The following AOPEP variants were observed in gnomAD, a reference collection of about 807,000 sequenced individuals.
AOPEP encodes aminopeptidase O (putative).
AOPEP carries 77 observed loss-of-function variants against 98.1 expected under a neutral mutation model. The ratio of observed to expected loss-of-function variants is 0.78; its 90% CI spans 0.65 to 0.95. The LOEUF is 0.95. AOPEP is among the 40% of genes least tolerant of loss of function. The pLI is 0.00. For missense variants in AOPEP, 1,024 were observed against 1,024.7 expected (o/e 1.00, Z 0.01); for synonymous variants, 346 against 365.3 (o/e 0.95, Z 0.60).
At chr9:94,821,940 A>T (rs1180798449) in intron 5 of AOPEP, among the ~76,000 whole-genome samples, 1 of 151,504 alleles carries the variant, frequency 6.6e-6, no homozygotes, top group Non-Finnish European at 1.5e-5. Flanking sequence ...AATTAACATA[A>T]GCCATAGATC....
chr9:94,869,000 A>C (rs1249718465), intron 5 of AOPEP, among the ~76,000 whole-genome samples: 1 of 152,130 alleles, frequency 6.6e-6, no homozygotes, highest in Non-Finnish European at 1.5e-5. Flanking sequence ...AGGCCAGTGC[A>C]GGTGGATCAC....
the AOPEP span, among the ~76,000 whole-genome samples, chr9:95,129,337 A>G: frequency 1.3e-5 from 2 of 152,206 alleles, no homozygotes; most frequent in Non-Finnish European, 2.9e-5. Flanking sequence ...AAATCACAAA[A>G]GCAATCTTAA....
chr9:95,021,474 A>G (rs1442709518), intron 13 of AOPEP, among the ~76,000 whole-genome samples: 1 of 152,218 alleles, frequency 6.6e-6, no homozygotes, highest in African/African-American at 2.4e-5. Flanking sequence ...AGATTAATTT[A>G]ATGACTTGGT....
At chr9:94,920,258 G>A (rs969975823) in intron 5 of AOPEP, 6 of 152,926 alleles carry the variant, frequency 3.9e-5, no homozygotes, top group African/African-American at 1.4e-4. Context: ...GGGAGGCTGA[G>A]GTTGTGGTGA....
At chr9:95,000,935 G>A (rs771649768) in intron 11 of AOPEP, among the ~76,000 whole-genome samples, 9 of 152,140 alleles carry the variant, frequency 5.9e-5, no homozygotes, top group Middle Eastern at 3.4e-3. Flanking sequence ...AAGATCTTTC[G>A]GTTTCTTTTA....
intron 3 of AOPEP, among the ~76,000 whole-genome samples, chr9:94,786,461 T>A (rs2133293921): frequency 6.6e-6 from 1 of 152,292 alleles, no homozygotes; most frequent in South Asian, 2.1e-4. Flanking sequence ...CAATAGACAA[T>A]CCTGAAATTA....
Position 94,967,812 on chromosome 9 carries a change from A to G in AOPEP, c.1916+11A>G. ...TCCAGAAGAAAAAAGGTAAGGACCA[A>G]TTTAGGAATTTTGGAATTAAGAGCC... On this transcript the variant is annotated intron_variant, in intron 10 of 16. Coordinates refer to ENST00000375315, the MANE Select transcript of AOPEP (RefSeq NM_001193329.3). 2 of 1,609,156 alleles carry G rather than the reference A, an allele frequency of 1.2e-6. No individual in the cohort carries two copies. Among genetic ancestry groups the G allele is most frequent in the Non-Finnish European group, 1.7e-6 (2 of 1,175,518 alleles).
In AOPEP at chr9:95,063,273, C is replaced by T. The variant is rs145174562; in HGVS notation, c.2232+2463C>T. 2.6e-3 allele frequency among the ~76,000 whole-genome samples: 399 copies of T among 152,308 alleles called. 3 individuals carry two copies. The highest frequency in any genetic ancestry group is 0.015 in the East Asian group (80 of 5,172). On this transcript the variant is annotated intron_variant, in intron 14 of 16. Coordinates refer to ENST00000375315, the MANE Select transcript of AOPEP (RefSeq NM_001193329.3). ...TTATCTAAGATCCCTTTTTAAGTAACACATTTCCTGCCTGCCTTAGCAGGT... is the reference window on the plus strand; with the variant it reads ...TTATCTAAGATCCCTTTTTAAGTAATACATTTCCTGCCTGCCTTAGCAGGT...
chr9:94,877,045 A>G (rs2047032261), intron 5 of AOPEP, among the ~76,000 whole-genome samples: 1 of 152,186 alleles, frequency 6.6e-6, no homozygotes, highest in South Asian at 2.1e-4. Context: ...GTTTCTTCTT[A>G]GTTGAAAATA....
the AOPEP span, among the ~76,000 whole-genome samples, chr9:95,138,921 C>CAGA: frequency 6.6e-6 from 1 of 152,200 alleles, no homozygotes; most frequent in Non-Finnish European, 1.5e-5. Flanking sequence ...AGCCTTGATT[C>CAGA]AGAGCACACC....
In AOPEP at chr9:95,086,011, T is replaced by C. The variant is rs560260553; in HGVS notation, c.*5-671T>C. 3.7e-6 allele frequency: 5 copies of C among 1,366,644 alleles called. No homozygotes were observed. The East Asian group carries it at 1.8e-4, about 50-fold the overall frequency. 84.7% of individuals were successfully genotyped at this position (1,366,644 alleles called of 1,614,324 possible). A position where few individuals can be genotyped will look rare whatever the true frequency, so the allele number is the denominator to read the frequency against. On this transcript the variant is annotated intron_variant, in intron 16 of 16. Coordinates refer to ENST00000375315, the MANE Select transcript of AOPEP (RefSeq NM_001193329.3). ...GGCGCTGCTTCTCCGGGCTGTCGAT[T>C]GGACCCGCCCTCCGGTGCCTACTGA... is the stretch of plus-strand genomic sequence containing the variant.
chr9:94,836,085 TG>T (rs1169253106), intron 5 of AOPEP, among the ~76,000 whole-genome samples: 1 of 774 alleles, frequency 1.3e-3, no homozygotes, highest in Non-Finnish European at 3.5e-3. Context: ...TTCCTGCTTG[TG>T]TGTGTGTGTG....
chr9:95,014,408 G>A (rs1435426421), intron 13 of AOPEP, among the ~76,000 whole-genome samples: 1 of 151,994 alleles, frequency 6.6e-6, no homozygotes, highest in Non-Finnish European at 1.5e-5. Flanking sequence ...GGAGGCGAAT[G>A]TTGCTATAAG....
At chr9:94,870,614 T>C (rs931143243) in intron 5 of AOPEP, among the ~76,000 whole-genome samples, 1 of 152,182 alleles carries the variant, frequency 6.6e-6, no homozygotes, top group African/African-American at 2.4e-5. Flanking sequence ...AGCTTGCTGA[T>C]GCTACAGTTT....
intron 7 of AOPEP, 163 bp downstream of exon 7, chr9:94,928,694 C>A: frequency 1.8e-6 from 1 of 554,560 alleles, no homozygotes; most frequent in Non-Finnish European, 3.2e-6. Context: ...TCTTTCAGGG[C>A]ATGCGTTTCG....
intron 7 of AOPEP, among the ~76,000 whole-genome samples, chr9:94,946,566 A>G (rs1218305904): frequency 1.3e-5 from 2 of 152,124 alleles, no homozygotes; most frequent in African/African-American, 2.4e-5. Context: ...CCCTTCTCAG[A>G]TTTGGCTGGA....
chr9:95,137,097 G>A, the AOPEP span, among the ~76,000 whole-genome samples: 2 of 152,178 alleles, frequency 1.3e-5, no homozygotes, highest in Admixed American at 1.3e-4. Context: ...GAAAACTAAA[G>A]TGGGGGCGTA....
chr9:94,931,623 C>A, intron 7 of AOPEP: 1 of 806,054 alleles, frequency 1.2e-6, no homozygotes, highest in Non-Finnish European at 2.0e-6. Context: ...TAAAAACAAT[C>A]AGATGCTATC....
chr9:94,887,473 C>T (rs900906086), intron 5 of AOPEP, among the ~76,000 whole-genome samples: 1 of 152,112 alleles, frequency 6.6e-6, no homozygotes, highest in Non-Finnish European at 1.5e-5. Flanking sequence ...TGACCTGGGA[C>T]AAGTCATTTG....
Sources: gnomAD v4.1 joint callset for allele counts (sites outside exome capture counted in the v4.1 genomes callset) on GRCh38, gnomAD v4.1.1 for gene constraint, MANE v1.5 for transcripts, NCBI Gene and HGNC (gene_info 2026-07-23, HGNC 2026-07-21) for gene names.